ACOT12: variants seen among roughly 807,000 people sequenced by gnomAD.
The protein encoded by ACOT12 is acyl-CoA thioesterase 12, also known as acetyl-coenzyme A thioesterase.
ACOT12 carries 51 observed loss-of-function variants against 67.7 expected under a neutral mutation model. The observed-to-expected ratio is 0.75, with a 90% CI of 0.60 to 0.95. The LOEUF (loss-of-function observed/expected upper bound fraction) is 0.95. Among genes scored for constraint, ACOT12 ranks in the 40% least tolerant of loss-of-function variants. The pLI is 0.00. For missense variants in ACOT12, 734 were observed against 708.1 expected, an observed-to-expected ratio of 1.04 and a Z score of -0.41; for synonymous variants, 251 against 244.6, an observed-to-expected ratio of 1.03 and a Z score of -0.24.
intron 5 of ACOT12, among the ~76,000 whole-genome samples, chr5:81,359,225 A>G (rs1759823362): frequency 6.6e-6 from 1 of 151,832 alleles, no homozygotes; most frequent in Non-Finnish European, 1.5e-5. Flanking sequence ...CCCCTCCCTC[A>G]TTGTGCTCTC....
rs909305983 is a variant in ACOT12 at position 81,364,080 on chromosome 5, A to T, written c.259-191T>A. Among the ~76,000 whole-genome samples, 8 of 152,248 alleles carry T rather than the reference A, an allele frequency of 5.3e-5. No individual in the cohort carries two copies. The Middle Eastern group carries it at 0.01, about 194-fold the overall frequency. On this transcript the variant is annotated intron_variant, in intron 3 of 14. Coordinates refer to ENST00000307624, the MANE Select transcript of ACOT12 (RefSeq NM_130767.3). ...CTGGACAATTAGCTTTTTTCTGATT[A>T]TAAAAATTATTTATTTACCATGTCA...
At chr5:81,316,411 G>T in the ACOT12 span, among the ~76,000 whole-genome samples, 5 of 152,288 alleles carry the variant, frequency 3.3e-5, no homozygotes, top group East Asian at 1.9e-4. Flanking sequence ...GCAATATGTG[G>T]TTTTTTGTGA....
rs529325477 is a variant in ACOT12, at chr5:81,370,010, A to G, written c.258+1740T>C. Among the ~76,000 whole-genome samples the G allele has an allele frequency of 3.9e-5, 6 of 152,306 alleles. No individual in the cohort carries two copies. In the South Asian group the frequency reaches 1.2e-3, roughly 32 times the overall value. ...AGTGAACACATCAGCCAGGCACAGT[A>G]GCTCACGCCTGTGATCGATCCTAGC... On this transcript the variant is annotated intron_variant, in intron 3 of 14. Coordinates refer to ENST00000307624, the MANE Select transcript of ACOT12 (RefSeq NM_130767.3).
the ACOT12 span, among the ~76,000 whole-genome samples, chr5:81,319,290 A>G: frequency 2.0e-5 from 3 of 152,234 alleles, no homozygotes; most frequent in East Asian, 5.8e-4. Flanking sequence ...TCAAATAACA[A>G]CTGTATTGTG....
At chr5:81,374,112 C>T (rs936298570) in intron 2 of ACOT12, among the ~76,000 whole-genome samples, 85 of 152,126 alleles carry the variant, frequency 5.6e-4, no homozygotes, top group African/African-American at 1.8e-3. Flanking sequence ...TGGCAGGTGC[C>T]CCTATGGGAC....
intron 11 of ACOT12, 135 bp from the exon 12 acceptor site, chr5:81,336,036 CAT>C (rs36123812): frequency 0.35 from 330,975 of 942,610 alleles, 61,985 homozygotes; most frequent in African/African-American, 0.47. Flanking sequence ...ATTGAAGCCC[CAT>C]GGCAATTTCT....
the ACOT12 span, among the ~76,000 whole-genome samples, chr5:81,310,811 G>A: frequency 1.3e-5 from 2 of 152,174 alleles, no homozygotes; most frequent in Non-Finnish European, 2.9e-5. Context: ...GCCATTGACT[G>A]TTTGAGAATC....
At chr5:81,311,103 T>A in the ACOT12 span, 1 of 1,107,814 alleles carries the variant, frequency 9.0e-7, no homozygotes. Flanking sequence ...TAGCTACCTT[T>A]ACAACTGACA....
Position 81,344,169 on chromosome 5 carries a change from C to G in ACOT12, c.971G>C (p.Arg324Pro). ...YRGAIARKRI[R>P]LGRKYVISHK... ...ACCTTATGTTCCTTACCTGCCTAGGCGAATTCGCTTGCGTGCAATAGCTCC... is the reference window on the plus strand; with the variant it reads ...ACCTTATGTTCCTTACCTGCCTAGGGGAATTCGCTTGCGTGCAATAGCTCC... Residue 324 changes from arginine (R) to proline (P), a missense_variant, in exon 9 of 15, where the codon CGC (arginine) becomes CCC (proline). Coordinates refer to ENST00000307624, the MANE Select transcript of ACOT12 (RefSeq NM_130767.3). The G allele has an allele frequency of 6.2e-7, 1 of 1,613,658 alleles. No homozygotes were observed. The highest frequency in any genetic ancestry group is 2.2e-5 in the East Asian group (1 of 44,870).
At chr5:81,322,954 T>C in the ACOT12 span, among the ~76,000 whole-genome samples, 3 of 151,924 alleles carry the variant, frequency 2.0e-5, no homozygotes, top group African/African-American at 7.3e-5. Flanking sequence ...GTGGGGATTA[T>C]AGGGATTACA....
At chr5:81,326,117 CTTTTTTTT>C (rs1199895738), downstream of ACOT12, among the ~76,000 whole-genome samples, 2 of 77,046 alleles carry the variant, frequency 2.6e-5, no homozygotes, top group Middle Eastern at 0.015. Flanking sequence ...CCCTGAGATT[CTTTTTTTT>C]TTTTTTTTTT....
At position 81,344,964 on chromosome 5, in the gene ACOT12, G is replaced by A; in HGVS notation, c.851C>T (p.Ala284Val). The change falls in exon 8 of 15, where the codon GCT becomes GTT. Residue 284 changes from alanine (A) to valine (V), a missense_variant. By Grantham distance (64) the Ala-to-Val change is moderately conservative. Transcript: ENST00000307624. Reference protein sequence around the residue: ...AEGRGRHINSAFLIYNAADDK... With the variant: ...AEGRGRHINSVFLIYNAADDK... ...ATCAGCAGCATTGTAAATGAGAAAA[G>A]CACTGTTGATGTGACGCCCTCGGCC... 2 of 1,614,182 alleles carry A rather than the reference G, an allele frequency of 1.2e-6. No homozygotes were observed. Among genetic ancestry groups the A allele is most frequent in the Non-Finnish European group, 1.7e-6 (2 of 1,180,022 alleles).
intron 5 of ACOT12, among the ~76,000 whole-genome samples, chr5:81,356,435 T>C (rs563188434): frequency 3.3e-5 from 5 of 152,306 alleles, no homozygotes; most frequent in African/African-American, 1.2e-4. Context: ...CTTAGATGCC[T>C]GTGCTTTGCA....
chr5:81,382,916 T>A (rs1039719852), intron 2 of ACOT12, among the ~76,000 whole-genome samples: 1 of 152,000 alleles, frequency 6.6e-6, no homozygotes, highest in Non-Finnish European at 1.5e-5. Context: ...CTGAACAAAC[T>A]TTTCCTCAGG....
chr5:81,329,726 A>C (rs1238160777), downstream of ACOT12, among the ~76,000 whole-genome samples: 1 of 152,236 alleles, frequency 6.6e-6, no homozygotes, highest in Non-Finnish European at 1.5e-5. Flanking sequence ...GAAAGAGATC[A>C]CGGTCAATAT....
the ACOT12 span, chr5:81,312,719 G>A: frequency 2.1e-5 from 27 of 1,316,176 alleles, no homozygotes; most frequent in East Asian, 3.5e-4. Context: ...AACCAGGCCC[G>A]CTTCACGAGT....
downstream of ACOT12, among the ~76,000 whole-genome samples, chr5:81,326,117 CT>C (rs1199895738): frequency 0.034 from 2,603 of 77,002 alleles, 56 homozygotes; most frequent in African/African-American, 0.11. Context: ...CCCTGAGATT[CT>C]TTTTTTTTTT....
At position 81,385,809 on chromosome 5, in the gene ACOT12, C is replaced by A; in HGVS notation, c.145G>T (p.Val49Phe). The change falls in exon 2 of 15, where the codon GTT becomes TTT. Residue 49 changes from valine (V) to phenylalanine (F), a missense_variant. Val to Phe is a conservative substitution (Grantham distance 50, BLOSUM62 -1). Coordinates refer to ENST00000307624, the MANE Select transcript of ACOT12 (RefSeq NM_130767.3). ...ACLAAEKHAG[V>F]SCVTASVDDI... ...TCCACTGAGGCTGTAACGCAGGAAACTCCAGCATGTTTCTCAGCTTCAAAA... is the reference window on the plus strand; with the variant it reads ...TCCACTGAGGCTGTAACGCAGGAAAATCCAGCATGTTTCTCAGCTTCAAAA... The A allele has an allele frequency of 6.2e-7, 1 of 1,614,032 alleles. No individual in the cohort carries two copies.
At chr5:81,382,413 T>C (rs1403973930) in intron 2 of ACOT12, among the ~76,000 whole-genome samples, 1 of 152,114 alleles carries the variant, frequency 6.6e-6, no homozygotes, top group Admixed American at 6.6e-5. Flanking sequence ...ATTAAGCACC[T>C]TTAACTTTGG....
Sources: allele counts gnomAD v4.1 joint callset (sites outside exome capture counted in the v4.1 genomes callset), GRCh38; gene constraint gnomAD v4.1.1; transcripts MANE v1.5; gene names NCBI Gene and HGNC (gene_info 2026-07-23, HGNC 2026-07-21).